Variants in TM4SF18 observed in about 807,000 individuals in gnomAD.
TM4SF18 encodes the protein transmembrane 4 L six family member 18, also known as transmembrane 4 L6 family member 18.
Under a neutral mutation model 23.8 loss-of-function variants are expected in TM4SF18, and 22 were observed. The observed-to-expected ratio is 0.92, with a 90% CI of 0.66 to 1.32. The LOEUF (loss-of-function observed/expected upper bound fraction) is 1.32. TM4SF18 is among the 40% of genes most tolerant of loss of function. TM4SF18 has a pLI of 0.00. For synonymous variants in TM4SF18, 87 were observed against 87.9 expected, an observed-to-expected ratio of 0.99 and a Z score of 0.06; for missense variants, 255 against 240.3, an observed-to-expected ratio of 1.06 and a Z score of -0.41.
rs1489420994 is a variant in TM4SF18, at chr3:149,321,282, G to A, written c.*196C>T. Reference sequence around the variant, plus strand: ...GGGCAGAAGTATTTCTGAAGTTTCTGATGCATATTACTTAAAAAACATACT... The same window carrying A: ...GGGCAGAAGTATTTCTGAAGTTTCTAATGCATATTACTTAAAAAACATACT... On this transcript the variant is annotated 3_prime_UTR_variant, in exon 6 of 6. Coordinates refer to ENST00000296059, the MANE Select transcript of TM4SF18 (RefSeq NM_138786.4). 4.8e-6 allele frequency: 2 copies of A among 413,914 alleles called. No individual in the cohort carries two copies. The highest frequency in any genetic ancestry group is 4.1e-5 in the African/African-American group (2 of 48,546). The allele number at this position is 413,914 out of a possible 1,614,324, so 25.6% of individuals were successfully genotyped here.
Position 149,324,985 on chromosome 3 carries a change from G to A in TM4SF18, c.305C>T (p.Ala102Val), listed in dbSNP as rs1376742792. ...LSIIFSSLGI[A>V]FSGYCLVISA... The stretch of plus-strand genomic sequence containing the variant: ...GATGACCAGGCAGTATCCAGAAAAA[G>A]CAATTCCGAGGGAAGAAAAGATAAT... The change falls in exon 4 of 6, where the codon GCT (alanine) becomes GTT (valine). Residue 102 changes from alanine to valine, a missense_variant. Ala to Val is a moderately conservative substitution (Grantham distance 64, BLOSUM62 0). Transcript: ENST00000296059. The A allele has an allele frequency of 6.2e-7, 1 of 1,614,078 alleles. No individual in the cohort carries two copies. The highest frequency in any genetic ancestry group is 1.1e-5 in the South Asian group (1 of 91,064).
At chr3:149,333,482 C>CTCTTTTTTTTTTTTTTT in intron 1 of TM4SF18, 31 bp downstream of exon 1, 1 of 206,076 alleles carries the variant, frequency 4.9e-6, no homozygotes, top group Non-Finnish European at 7.9e-6. Flanking sequence ...CTCTCTCTCT[C>CTCTTTTTTTTTTTTTTT]TTTTTTTTTT....
At position 149,322,892 on chromosome 3, in the gene TM4SF18, T is replaced by A. The variant is rs991303218; in HGVS notation, c.411-456A>T. The stretch of plus-strand genomic sequence containing the variant: ...GATGTTGAGCAAAGAACTTTACCCC[T>A]CTGGCCTCCAGACTTTTTTTTTTTT... On this transcript the variant is annotated intron_variant, in intron 4 of 5. Transcript: ENST00000296059. 1.3e-4 allele frequency among the ~76,000 whole-genome samples: 19 copies of A among 146,236 alleles called. No individual in the cohort carries two copies. In the South Asian group the frequency reaches 3.8e-3, roughly 30 times the overall value.
At chr3:149,324,768 A>G in intron 4 of TM4SF18, 112 bp downstream of exon 4, 1 of 1,402,370 alleles carries the variant, frequency 7.1e-7, no homozygotes, top group Admixed American at 2.1e-5. Flanking sequence ...ATTCTGCACT[A>G]AAACAGCCAC....
At position 149,320,114 on chromosome 3, in the gene TM4SF18, G is replaced by A. The variant is rs1422296234; in HGVS notation, c.*1364C>T. 6.6e-6 allele frequency: 1 copy of A among 152,390 alleles called. No homozygotes were observed. The highest frequency in any genetic ancestry group is 6.5e-5 in the Admixed American group (1 of 15,292). The allele number at this position is 152,390 out of a possible 1,614,324, so 9.4% of individuals were successfully genotyped here. A position where few individuals can be genotyped will look rare whatever the true frequency, so the allele number is the denominator to read the frequency against. On this transcript the variant is annotated 3_prime_UTR_variant, in exon 6 of 6. Transcript: ENST00000296059. ...TCCGTATCCCCCCAGCCTACTCCCT[G>A]GCTTTGGCACAGAGCAGGTGTTGAC...
intron 2 of TM4SF18, 72 bp from the exon 3 acceptor site, chr3:149,330,491 G>C: frequency 1.0e-6 from 1 of 998,688 alleles, no homozygotes; most frequent in East Asian, 2.5e-5. Flanking sequence ...TCAGAGGACA[G>C]CGTCTTCAAG....
At chr3:149,324,310 C>A (rs1217464316) in intron 4 of TM4SF18, among the ~76,000 whole-genome samples, 2 of 152,190 alleles carry the variant, frequency 1.3e-5, no homozygotes, top group Non-Finnish European at 2.9e-5. Context: ...CCAGTATAAG[C>A]TGCATAAGCT....
intron 2 of TM4SF18, 40 bp from the exon 3 acceptor site, chr3:149,330,459 T>C (rs1310032641): frequency 2.2e-6 from 3 of 1,373,868 alleles, no homozygotes; most frequent in East Asian, 2.3e-5. Context: ...AATGAAATGC[T>C]AGTTTACATT....
At chr3:149,324,576 C>A (rs2291603) in intron 4 of TM4SF18, among the ~76,000 whole-genome samples, 127,718 of 152,196 alleles carry the variant, frequency 0.84, 53,787 homozygotes, top group South Asian at 0.91. Flanking sequence ...GTTACCAGAC[C>A]AGACCATAGT....
In TM4SF18 at chr3:149,329,017, CAT is replaced by C. The variant is rs776466035; in HGVS notation, c.267+1311_267+1312del. Among the ~76,000 whole-genome samples, 18 of 152,128 alleles carry C rather than the reference CAT, an allele frequency of 1.2e-4. No individual in the cohort carries two copies. In the East Asian group the frequency reaches 1.5e-3, roughly 13 times the overall value. On this transcript the variant is annotated intron_variant, in intron 3 of 5. Coordinates refer to ENST00000296059, the MANE Select transcript of TM4SF18 (RefSeq NM_138786.4). ...AATTTTTATTTTACACTTAATATCA[CAT>C]ATATTTGTTTTCTAGAAATTCTCTG...
At chr3:149,326,703 A>G (rs753878792) in intron 3 of TM4SF18, among the ~76,000 whole-genome samples, 2 of 152,178 alleles carry the variant, frequency 1.3e-5, no homozygotes, top group African/African-American at 2.4e-5. Flanking sequence ...GCCTCTGTCT[A>G]TATTTTCTGG....
Position 149,320,438 on chromosome 3 carries a change from TC to T in TM4SF18, c.*1039del, listed in dbSNP as rs1356435730. ...AAAAATAAATATAGGTACTGGTAAC[TC>T]CCCCTGACACAGGTATTGACTGGTC... On this transcript the variant is annotated 3_prime_UTR_variant, in exon 6 of 6. Coordinates refer to ENST00000296059, the MANE Select transcript of TM4SF18 (RefSeq NM_138786.4). 1 of 152,180 alleles carries T rather than the reference TC, an allele frequency of 6.6e-6. No homozygotes were observed. Among genetic ancestry groups the T allele is most frequent in the African/African-American group, 2.4e-5 (1 of 41,440 alleles). The allele number at this position is 152,180 out of a possible 1,614,324, so 9.4% of individuals were successfully genotyped here.
chr3:149,332,714 C>G (rs1451463330), intron 2 of TM4SF18, among the ~76,000 whole-genome samples: 1 of 152,120 alleles, frequency 6.6e-6, no homozygotes, highest in Non-Finnish European at 1.5e-5. Context: ...CACTGAGGCT[C>G]AAAGATACTG....
chr3:149,333,624 A>G lies in TM4SF18; in HGVS notation c.-129T>C. On this transcript the variant is annotated 5_prime_UTR_variant, in exon 1 of 6. Transcript: ENST00000296059. ...ATACTGGTTTACTGTTTGGAGAACA[A>G]TAGACAATGATCAACAACTGAAGAG... is the stretch of plus-strand genomic sequence containing the variant. The G allele has an allele frequency of 2.6e-6, 1 of 381,446 alleles. No individual in the cohort carries two copies. Among genetic ancestry groups the G allele is most frequent in the Admixed American group, 4.4e-5 (1 of 22,584 alleles). 23.6% of individuals were successfully genotyped at this position (381,446 alleles called of 1,614,324 possible). A position where few individuals can be genotyped will look rare whatever the true frequency, so the allele number is the denominator to read the frequency against.
In TM4SF18 at chr3:149,318,866, G is replaced by A. The variant is rs1219559873; in HGVS notation, c.*2612C>T. 1 of 151,968 alleles carries A rather than the reference G, an allele frequency of 6.6e-6. No homozygotes were observed. Among genetic ancestry groups the A allele is most frequent in the Non-Finnish European group, 1.5e-5 (1 of 68,006 alleles). 9.4% of individuals were successfully genotyped at this position (151,968 alleles called of 1,614,324 possible). A position where few individuals can be genotyped will look rare whatever the true frequency, so the allele number is the denominator to read the frequency against. On this transcript the variant is annotated 3_prime_UTR_variant, in exon 6 of 6. Transcript: ENST00000296059. ...TATGGTTACTTAATTAAAAATTTGG[G>A]CTCAAACTGCATACATATATTTGGT...
intron 3 of TM4SF18, 114 bp from the exon 4 acceptor site, chr3:149,325,136 A>C (rs966580989): frequency 5.6e-6 from 5 of 897,628 alleles, no homozygotes; most frequent in African/African-American, 1.7e-5. Context: ...CAGTCTATAC[A>C]ATACTAAATG....
chr3:149,324,978 A>G lies in TM4SF18; in HGVS notation c.312T>C (p.Ser104=). The G allele has an allele frequency of 6.2e-7, 1 of 1,614,176 alleles. No homozygotes were observed. The highest frequency in any genetic ancestry group is 8.5e-7 in the Non-Finnish European group (1 of 1,180,016). ...AGGCAGAGATGACCAGGCAGTATCCAGAAAAAGCAATTCCGAGGGAAGAAA... is the reference window on the plus strand; with the variant it reads ...AGGCAGAGATGACCAGGCAGTATCCGGAAAAAGCAATTCCGAGGGAAGAAA... ...IIFSSLGIAF[S]GYCLVISALG... is the part of the protein sequence containing the mutation. The change falls in exon 4 of 6, where the codon TCT becomes TCC. Residue 104 remains serine, a synonymous_variant. Transcript: ENST00000296059.
chr3:149,329,197 C>T (rs1170943192), intron 3 of TM4SF18, among the ~76,000 whole-genome samples: 2 of 147,844 alleles, frequency 1.4e-5, no homozygotes, highest in Non-Finnish European at 3.0e-5. Flanking sequence ...CACACACACA[C>T]GAGTGTATTT....
chr3:149,323,237 AC>A (rs1429919400), intron 4 of TM4SF18, among the ~76,000 whole-genome samples: 1 of 152,038 alleles, frequency 6.6e-6, no homozygotes, highest in Non-Finnish European at 1.5e-5. Context: ...AAAATATCTA[AC>A]CCCAGAGTTA....
Sources: allele counts gnomAD v4.1 joint callset (sites outside exome capture counted in the v4.1 genomes callset), GRCh38; gene constraint gnomAD v4.1.1; transcripts MANE v1.5; gene names NCBI Gene and HGNC (gene_info 2026-07-23, HGNC 2026-07-21).